Variants in PCDHA9 observed in about 807,000 individuals in gnomAD.
The protein encoded by PCDHA9 is protocadherin alpha 9.
In PCDHA9, 62 loss-of-function variants were observed where a neutral mutation model predicts 62.0. The observed-to-expected ratio is 1.00, with a 90% CI of 0.81 to 1.23. The LOEUF (loss-of-function observed/expected upper bound fraction) is 1.23. PCDHA9 is among the 50% of genes most tolerant of loss of function. PCDHA9 has a pLI of 0.00. For missense variants in PCDHA9, 1,205 were observed against 1,249.8 expected, an observed-to-expected ratio of 0.96 and a Z score of 0.54; for synonymous variants, 557 against 567.6, an observed-to-expected ratio of 0.98 and a Z score of 0.27.
At chr5:140,928,208 A>G in intron 1 of PCDHA9, 1 of 1,614,228 alleles carries the variant, frequency 6.2e-7, no homozygotes, top group Non-Finnish European at 8.5e-7. Context: ...GCTGATGTGA[A>G]TGACAATACA....
At chr5:140,877,943 T>C in intron 1 of PCDHA9, 1 of 1,363,226 alleles carries the variant, frequency 7.3e-7, no homozygotes, top group Non-Finnish European at 9.6e-7. Context: ...TCCTTTAAAC[T>C]ATCGAATGTC....
At chr5:140,883,547 G>GC in intron 1 of PCDHA9, 5 of 1,614,234 alleles carry the variant, frequency 3.1e-6, no homozygotes, top group Non-Finnish European at 3.4e-6. Context: ...GGTGGTGACC[G>GC]CGCGGGACGG....
At chr5:140,966,851 C>T (rs782524148) in intron 1 of PCDHA9, 15 of 1,573,232 alleles carry the variant, frequency 9.5e-6, no homozygotes, top group Middle Eastern at 1.7e-4. Context: ...ACTGCCTCTC[C>T]TGCTGCTGTT....
chr5:140,884,198 C>G, intron 1 of PCDHA9: 1 of 1,613,442 alleles, frequency 6.2e-7, no homozygotes, highest in Non-Finnish European at 8.5e-7. Flanking sequence ...GGACGCGCCG[C>G]ACCACCGCCT....
chr5:140,853,226 T>G (rs1465630209), intron 1 of PCDHA9: 2 of 982,912 alleles, frequency 2.0e-6, no homozygotes, highest in Non-Finnish European at 2.5e-6. Flanking sequence ...GGATTGGTAA[T>G]TTAGTCCTTC....
chr5:140,877,434 C>T, intron 1 of PCDHA9: 1 of 1,613,804 alleles, frequency 6.2e-7, no homozygotes, highest in South Asian at 1.1e-5. Flanking sequence ...TGAAGGACCA[C>T]GGTGAGCCCG....
intron 1 of PCDHA9, among the ~76,000 whole-genome samples, chr5:140,907,316 A>G (rs2073307783): frequency 6.6e-6 from 1 of 152,194 alleles, no homozygotes; most frequent in African/African-American, 2.4e-5. Flanking sequence ...GAACATGTAA[A>G]GACCAGTGAA....
At chr5:140,975,208 G>A (rs1449804050) in intron 1 of PCDHA9, among the ~76,000 whole-genome samples, 1 of 152,170 alleles carries the variant, frequency 6.6e-6, no homozygotes, top group African/African-American at 2.4e-5. Context: ...TTCATGGCTG[G>A]CACTGGAGAA....
chr5:140,863,737 A>G (rs758176321), intron 1 of PCDHA9: 1 of 251,160 alleles, frequency 4.0e-6, no homozygotes, highest in East Asian at 1.0e-4. Flanking sequence ...GCTCATGCCT[A>G]TTTGTAATCC....
At chr5:140,946,797 CAG>C (rs1279078142) in intron 1 of PCDHA9, among the ~76,000 whole-genome samples, 2 of 151,052 alleles carry the variant, frequency 1.3e-5, no homozygotes, top group Non-Finnish European at 3.0e-5. Context: ...CTTATAGAAG[CAG>C]AGAGTATAAC....
At chr5:140,929,768 C>T (rs534287991) in intron 1 of PCDHA9, 1 of 175,482 alleles carries the variant, frequency 5.7e-6, no homozygotes, top group South Asian at 2.0e-4. Context: ...ACGATAACCA[C>T]AAAAGATGTA....
intron 3 of PCDHA9, among the ~76,000 whole-genome samples, chr5:141,001,514 C>A (rs2098022369): frequency 6.6e-6 from 1 of 152,210 alleles, no homozygotes; most frequent in Admixed American, 6.5e-5. Flanking sequence ...GCTTAGCTTT[C>A]TCCCTCTCTC....
chr5:140,926,683 C>A, intron 1 of PCDHA9: 3 of 669,314 alleles, frequency 4.5e-6, no homozygotes, highest in Non-Finnish European at 6.7e-6. Context: ...AGCCTCCAGC[C>A]TAGCAAGCCC....
Position 140,966,881 on chromosome 5 carries a change from C to T in PCDHA9, c.2395-12068C>T, listed in dbSNP as rs2096065304. 4.4e-6 allele frequency: 7 copies of T among 1,588,952 alleles called. No individual in the cohort carries two copies. In the South Asian group the frequency reaches 6.7e-5, roughly 15 times the overall value. ...GCTGTTGCTGCTGCTGCTACCTGGC[C>T]CTGCGGCCTCCCAGCTGCGATACTC... On this transcript the variant is annotated intron_variant, in intron 1 of 3. Coordinates refer to ENST00000532602, the MANE Select transcript of PCDHA9 (RefSeq NM_031857.2).
intron 1 of PCDHA9, among the ~76,000 whole-genome samples, chr5:140,879,081 T>C (rs1425343317): frequency 1.3e-5 from 2 of 152,084 alleles, no homozygotes; most frequent in African/African-American, 4.8e-5. Flanking sequence ...GAGAGATAAG[T>C]AGGAACAACT....
chr5:140,925,424 T>C (rs1554202738), intron 1 of PCDHA9, among the ~76,000 whole-genome samples: 1 of 152,038 alleles, frequency 6.6e-6, no homozygotes, highest in Non-Finnish European at 1.5e-5. Context: ...GAACTGGTTG[T>C]AGGGTGTTAG....
chr5:140,870,130 A>T (rs781855370), intron 1 of PCDHA9: 2 of 1,613,866 alleles, frequency 1.2e-6, no homozygotes, highest in East Asian at 4.5e-5. Context: ...CTTGGACACC[A>T]ACGATAACTC....
At chr5:140,908,846 T>A (rs2074185614) in intron 1 of PCDHA9, among the ~76,000 whole-genome samples, 1 of 152,294 alleles carries the variant, frequency 6.6e-6, no homozygotes, top group East Asian at 1.9e-4. Flanking sequence ...TGGAGTAACA[T>A]ACCCAAATGA....
chr5:140,965,748 C>T (rs1010303564), intron 1 of PCDHA9, among the ~76,000 whole-genome samples: 1 of 152,174 alleles, frequency 6.6e-6, no homozygotes, highest in Non-Finnish European at 1.5e-5. Flanking sequence ...TCCCCATTGT[C>T]GCCAAAATGG....
Sources: gnomAD v4.1 joint callset for allele counts (sites outside exome capture counted in the v4.1 genomes callset) on GRCh38, gnomAD v4.1.1 for gene constraint, MANE v1.5 for transcripts, NCBI Gene and HGNC (gene_info 2026-07-23, HGNC 2026-07-21) for gene names.